MZT1: variants seen among roughly 807,000 people sequenced by gnomAD.
MZT1 encodes mitotic-spindle organizing protein 1.
A neutral mutation model predicts 8.5 loss-of-function variants in MZT1; 8 were observed. That is an observed-to-expected ratio of 0.94 (90% CI 0.55 to 1.70). The LOEUF (loss-of-function observed/expected upper bound fraction) is 1.70, where lower values mean the gene tolerates loss of function less well. MZT1 is among the 40% of genes most tolerant of loss of function. The pLI, the probability that MZT1 is intolerant of heterozygous loss-of-function variation, is 0.00. For synonymous variants in MZT1, 38 were observed against 42.0 expected, an observed-to-expected ratio of 0.90 and a Z score of 0.37; for missense variants, 93 against 108.6, an observed-to-expected ratio of 0.86 and a Z score of 0.64.
chr13:72,727,439 TG>T, intron 1 of MZT1, 84 bp downstream of exon 1: 2 of 1,376,616 alleles, frequency 1.5e-6, no homozygotes, highest in Non-Finnish European at 2.1e-6. Flanking sequence ...TAAGGGGACC[TG>T]AAGTCCTCCC....
At chr13:72,718,824 T>C (rs1340625768) in intron 2 of MZT1, 128 bp downstream of exon 2, 9 of 878,354 alleles carry the variant, frequency 1.0e-5, no homozygotes, top group African/African-American at 1.7e-5. Context: ...ATTGAGCTCC[T>C]GGTCTTCTAG....
intron 2 of MZT1, 79 bp downstream of exon 2, chr13:72,718,873 G>T (rs935701467): frequency 1.5e-6 from 2 of 1,356,952 alleles, no homozygotes; most frequent in Non-Finnish European, 2.0e-6. Flanking sequence ...TAACCAGGAT[G>T]TTTCCCATAA....
chr13:72,724,703 T>TAC (rs1452635767), intron 1 of MZT1, among the ~76,000 whole-genome samples: 64 of 22,252 alleles, frequency 2.9e-3, no homozygotes, highest in African/African-American at 3.7e-3. Flanking sequence ...TACTACTAAA[T>TAC]ATATATATAT....
At chr13:72,725,885 A>G (rs2032647057) in intron 1 of MZT1, among the ~76,000 whole-genome samples, 2 of 152,138 alleles carry the variant, frequency 1.3e-5, no homozygotes, top group African/African-American at 4.8e-5. Context: ...AAGACAGTAA[A>G]TTTATATTTA....
At chr13:72,727,041 A>C (rs186446360) in intron 1 of MZT1, among the ~76,000 whole-genome samples, 2 of 152,360 alleles carry the variant, frequency 1.3e-5, no homozygotes, top group Non-Finnish European at 1.5e-5. Flanking sequence ...GTGCCTACTT[A>C]AGTGCGAAGA....
chr13:72,720,987 A>T (rs1208867168), intron 1 of MZT1, among the ~76,000 whole-genome samples: 1 of 152,158 alleles, frequency 6.6e-6, no homozygotes, highest in Non-Finnish European at 1.5e-5. Context: ...GATATGGAGT[A>T]TAGTTCTGAT....
Position 72,719,017 on chromosome 13 carries a change from C to T in MZT1, c.160G>A (p.Gly54Arg). 6.3e-7 allele frequency: 1 copy of T among 1,596,760 alleles called. No individual in the cohort carries two copies. The highest frequency in any genetic ancestry group is 8.5e-7 in the Non-Finnish European group (1 of 1,173,768). ...GATGATAAAGCTTCTGGGTTAATTC[C>T]TTGTTCACAAAGCCGTACACAAATA... ...LSICVRLCEQ[G>R]INPEALSSVI... is the part of the protein sequence containing the mutation. The change falls in exon 2 of 3, where the codon GGA becomes AGA. Residue 54 changes from glycine (G) to arginine (R), a missense_variant. Coordinates refer to ENST00000377818, the MANE Select transcript of MZT1 (RefSeq NM_001071775.3).
chr13:72,717,874 A>G (rs1240007796), intron 2 of MZT1, among the ~76,000 whole-genome samples: 1 of 152,122 alleles, frequency 6.6e-6, no homozygotes, highest in East Asian at 1.9e-4. Context: ...GTTCCTCTTC[A>G]AGGAAATCTA....
rs185126917 is a variant in MZT1, at chr13:72,724,687, C to T, written c.79+2837G>A. ...CCAAGTAGCTGGGATTACAGGCACC[C>T]GTACTTACTACTAAATATATATATA... is the stretch of plus-strand genomic sequence containing the variant. On this transcript the variant is annotated intron_variant, in intron 1 of 2. Coordinates refer to ENST00000377818, the MANE Select transcript of MZT1 (RefSeq NM_001071775.3). Among the ~76,000 whole-genome samples, 10 of 113,438 alleles carry T rather than the reference C, an allele frequency of 8.8e-5. No homozygotes were observed. In the East Asian group the frequency reaches 1.3e-3, roughly 15 times the overall value. The allele number at this position is 113,438 out of a possible 152,430, so 74.4% of individuals were successfully genotyped here. A position where few individuals can be genotyped will look rare whatever the true frequency, so the allele number is the denominator to read the frequency against.
chr13:72,718,722 G>A (rs9543098), intron 2 of MZT1, among the ~76,000 whole-genome samples: 133,787 of 151,850 alleles, frequency 0.88, 61,011 homozygotes, highest in Non-Finnish European at 0.99. Context: ...CTCATGATCC[G>A]CCCAACTCAG....
Position 72,719,035 on chromosome 13 carries a change from C to T in MZT1, c.142G>A (p.Val48Ile), listed in dbSNP as rs151207941. The T allele has an allele frequency of 3.2e-5, 50 of 1,582,894 alleles. No homozygotes were observed. The African/African-American group carries it at 5.0e-4, about 16-fold the overall frequency. ...GLDMETLSIC[V>I]RLCEQGINPE... ...TTAATTCCTTGTTCACAAAGCCGTACACAAATAGACAGAGTTTCCATATCT... is the reference window on the plus strand; with the variant it reads ...TTAATTCCTTGTTCACAAAGCCGTATACAAATAGACAGAGTTTCCATATCT... Residue 48 changes from valine (V) to isoleucine (I), a missense_variant, in exon 2 of 3, where the codon GTA becomes ATA. Val to Ile is a conservative substitution (Grantham distance 29). Coordinates refer to ENST00000377818, the MANE Select transcript of MZT1 (RefSeq NM_001071775.3).
At chr13:72,721,626 G>A (rs1285914333) in intron 1 of MZT1, among the ~76,000 whole-genome samples, 2 of 152,152 alleles carry the variant, frequency 1.3e-5, no homozygotes, top group Non-Finnish European at 2.9e-5. Context: ...TGTCCACTGG[G>A]TTCTCCCTGC....
At chr13:72,717,989 C>T (rs2032552392) in intron 2 of MZT1, among the ~76,000 whole-genome samples, 1 of 152,206 alleles carries the variant, frequency 6.6e-6, no homozygotes, top group African/African-American at 2.4e-5. Flanking sequence ...CACCCCACTT[C>T]CCAGTACCAA....
chr13:72,719,575 T>G (rs1254833107), intron 1 of MZT1, among the ~76,000 whole-genome samples: 5 of 152,164 alleles, frequency 3.3e-5, no homozygotes, highest in African/African-American at 1.2e-4. Context: ...TAGGATAAAT[T>G]TCTAGAAGTA....
intron 1 of MZT1, among the ~76,000 whole-genome samples, chr13:72,726,920 G>A (rs1011644924): frequency 5.3e-5 from 8 of 152,114 alleles, no homozygotes; most frequent in African/African-American, 1.9e-4. Flanking sequence ...GTGCCTCCGG[G>A]GCCGAAAACA....
chr13:72,727,416 C>A (rs111320152), intron 1 of MZT1, 108 bp downstream of exon 1: 1 of 1,083,284 alleles, frequency 9.2e-7, no homozygotes, highest in Non-Finnish European at 1.4e-6. Flanking sequence ...TTGGAAGATG[C>A]CGTTTGGGGC....
At chr13:72,720,714 C>T (rs1167612279) in intron 1 of MZT1, among the ~76,000 whole-genome samples, 2 of 152,102 alleles carry the variant, frequency 1.3e-5, no homozygotes, top group Non-Finnish European at 2.9e-5. Context: ...CATGGAGAAA[C>T]CCCGTCTCTA....
At chr13:72,723,099 A>G (rs1180896677) in intron 1 of MZT1, among the ~76,000 whole-genome samples, 1 of 152,010 alleles carries the variant, frequency 6.6e-6, no homozygotes, top group Non-Finnish European at 1.5e-5. Flanking sequence ...TTCTCTCTCC[A>G]GTTTCCAGTT....
At chr13:72,720,742 G>A (rs1302416804) in intron 1 of MZT1, among the ~76,000 whole-genome samples, 3 of 152,100 alleles carry the variant, frequency 2.0e-5, no homozygotes, top group Non-Finnish European at 4.4e-5. Context: ...TACAAAATTA[G>A]CCAGGCAAGG....
Sources: allele counts gnomAD v4.1 joint callset (sites outside exome capture counted in the v4.1 genomes callset), GRCh38; gene constraint gnomAD v4.1.1; transcripts MANE v1.5; gene names NCBI Gene and HGNC (gene_info 2026-07-23, HGNC 2026-07-21).